MND1: variants seen among roughly 807,000 people sequenced by gnomAD.
MND1 encodes meiotic nuclear divisions 1, also known as meiotic nuclear division protein 1 homolog.
In MND1, 28 loss-of-function variants were observed where a neutral mutation model predicts 35.1. The observed-to-expected ratio is 0.80, with a 90% CI of 0.59 to 1.09. The LOEUF is 1.09. Ranked by LOEUF, MND1 falls within the 50% of genes least tolerant of loss-of-function variation. The probability of loss-of-function intolerance (pLI) is 0.00; values close to 1 mark genes in which losing one functional copy is unlikely to be tolerated. For missense variants in MND1, 213 were observed against 239.6 expected, an observed-to-expected ratio of 0.89 and a Z score of 0.73; for synonymous variants, 69 against 70.5, an observed-to-expected ratio of 0.98 and a Z score of 0.11.
chr4:153,414,806 T>G lies in MND1; in HGVS notation c.567T>G (p.Asn189Lys). Residue 189 changes from asparagine (N) to lysine (K), a missense_variant, in exon 8 of 8, where the codon AAT becomes AAG. Transcript: ENST00000240488. ...WAKRKFGFEE[N>K]KIDRTFGIPE... ...AAAGAAAATTTGGGTTTGAAGAAAA[T>G]AAAATTGATAGAACTTTTGGAATTC... 6.4e-7 allele frequency: 1 copy of G among 1,564,714 alleles called. No homozygotes were observed. The highest frequency in any genetic ancestry group is 8.7e-7 in the Non-Finnish European group (1 of 1,150,076).
At chr4:153,372,589 T>G (rs1304662229) in intron 4 of MND1, among the ~76,000 whole-genome samples, 1 of 151,968 alleles carries the variant, frequency 6.6e-6, no homozygotes. Flanking sequence ...AATTCCCCTT[T>G]GTAAAATCAT....
intron 5 of MND1, 85 bp downstream of exon 5, chr4:153,394,421 C>T: frequency 4.7e-6 from 5 of 1,054,062 alleles, no homozygotes; most frequent in Non-Finnish European, 6.9e-6. Flanking sequence ...GAGGAGGATG[C>T]ATTTCTACCA....
chr4:153,383,899 C>T (rs754777828), intron 4 of MND1, among the ~76,000 whole-genome samples: 1 of 152,160 alleles, frequency 6.6e-6, no homozygotes, highest in Admixed American at 6.5e-5. Flanking sequence ...TATTGGTAGA[C>T]AATTAGTGGC....
chr4:153,379,415 A>G lies in MND1; in HGVS notation c.277-14847A>G, dbSNP rs1017219456. 3.3e-5 allele frequency among the ~76,000 whole-genome samples: 5 copies of G among 151,992 alleles called. No individual in the cohort carries two copies. The South Asian group carries it at 6.2e-4, about 19-fold the overall frequency. Reference sequence around the variant, plus strand: ...AAGTAAGTCTGAACTGGACAGAGCCATTCTAAAAGGCCAGGAACAGTGGCT... The same window carrying G: ...AAGTAAGTCTGAACTGGACAGAGCCGTTCTAAAAGGCCAGGAACAGTGGCT... On this transcript the variant is annotated intron_variant, in intron 4 of 7. Coordinates refer to ENST00000240488, the MANE Select transcript of MND1 (RefSeq NM_032117.4).
At chr4:153,367,114 C>T (rs1009793037) in intron 4 of MND1, among the ~76,000 whole-genome samples, 10 of 152,170 alleles carry the variant, frequency 6.6e-5, no homozygotes, top group Admixed American at 1.3e-4. Context: ...CTCACCTTAT[C>T]TCTCTTTTTT....
intron 2 of MND1, among the ~76,000 whole-genome samples, chr4:153,354,212 A>G (rs1242555217): frequency 2.6e-5 from 4 of 151,884 alleles, no homozygotes; most frequent in Non-Finnish European, 4.4e-5. Flanking sequence ...TTTGCTTTGC[A>G]TGTGGTAGAC....
intron 4 of MND1, among the ~76,000 whole-genome samples, chr4:153,371,833 G>T (rs889607667): frequency 6.6e-6 from 1 of 151,998 alleles, no homozygotes; most frequent in Admixed American, 6.5e-5. Flanking sequence ...CTAGCTTTCC[G>T]CCTGTTTTGG....
chr4:153,353,500 G>A (rs998204753), intron 2 of MND1, among the ~76,000 whole-genome samples: 2 of 142,136 alleles, frequency 1.4e-5, no homozygotes, highest in Non-Finnish European at 3.0e-5. Flanking sequence ...CTTCAAAGGA[G>A]TTCTTTATAT....
At chr4:153,366,972 C>T (rs1773651242) in intron 4 of MND1, among the ~76,000 whole-genome samples, 1 of 152,162 alleles carries the variant, frequency 6.6e-6, no homozygotes. Flanking sequence ...TTCTTAATCA[C>T]CGCTTCTCAA....
At chr4:153,412,296 AT>A (rs1729704217) in intron 7 of MND1, among the ~76,000 whole-genome samples, 1 of 152,206 alleles carries the variant, frequency 6.6e-6, no homozygotes, top group Admixed American at 6.5e-5. Flanking sequence ...AACTCCATGT[AT>A]TAGTTTGCTA....
In MND1 at chr4:153,350,104, G is replaced by T. The variant is rs560093783; in HGVS notation, c.44G>T (p.Arg15Leu). The change falls in exon 2 of 8, where the codon CGC (arginine) becomes CTC (leucine). Residue 15 changes from arginine to leucine, a missense_variant. Transcript: ENST00000240488. Reference sequence around the variant, plus strand: ...CTGAGTGCAGAAGAAAAGAGAACTCGCATGATGGAAATATTTTCTGAAACA... The same window carrying T: ...CTGAGTGCAGAAGAAAAGAGAACTCTCATGATGGAAATATTTTCTGAAACA... ...KGLSAEEKRTRMMEIFSETKD... is the reference protein window; with the variant it reads ...KGLSAEEKRTLMMEIFSETKD... 5 of 1,604,758 alleles carry T rather than the reference G, an allele frequency of 3.1e-6. No homozygotes were observed. The highest frequency in any genetic ancestry group is 3.4e-5 in the Admixed American group (2 of 58,002).
At chr4:153,371,398 A>G (rs934817134) in intron 4 of MND1, among the ~76,000 whole-genome samples, 7 of 152,122 alleles carry the variant, frequency 4.6e-5, no homozygotes, top group African/African-American at 1.7e-4. Context: ...TTTTTCCAAC[A>G]GAAGGCTGTT....
At chr4:153,395,835 G>C (rs1729184296) in intron 5 of MND1, among the ~76,000 whole-genome samples, 1 of 152,052 alleles carries the variant, frequency 6.6e-6, no homozygotes, top group African/African-American at 2.4e-5. Flanking sequence ...TATTCACATT[G>C]GATGTTCACC....
rs762252269 is a variant in MND1 at position 153,344,707 on chromosome 4, C to T, written c.-31C>T. On this transcript the variant is annotated 5_prime_UTR_variant, in exon 1 of 8. Transcript: ENST00000240488. ...TCCCGCCCCTCTCCCCAAGCGCGGGCCCGGCCAGCGGAAGCCCCTGCGCCC... is the reference window on the plus strand; with the variant it reads ...TCCCGCCCCTCTCCCCAAGCGCGGGTCCGGCCAGCGGAAGCCCCTGCGCCC... The T allele has an allele frequency of 4.2e-5, 67 of 1,579,306 alleles. 1 individual carries two copies. In the East Asian group the frequency reaches 1.5e-3, roughly 36 times the overall value.
chr4:153,366,415 CA>C (rs1344028535), intron 4 of MND1, among the ~76,000 whole-genome samples: 1 of 152,150 alleles, frequency 6.6e-6, no homozygotes, highest in Non-Finnish European at 1.5e-5. Context: ...GGGAAGACTG[CA>C]AGAGGAGCAG....
intron 6 of MND1, among the ~76,000 whole-genome samples, chr4:153,401,586 G>T (rs1158013807): frequency 6.7e-6 from 1 of 149,604 alleles, no homozygotes; most frequent in Non-Finnish European, 1.5e-5. Context: ...TTTGATAGGG[G>T]TTTCATGGGA....
chr4:153,368,712 A>G (rs1326557555), intron 4 of MND1, among the ~76,000 whole-genome samples: 1 of 152,228 alleles, frequency 6.6e-6, no homozygotes, highest in African/African-American at 2.4e-5. Flanking sequence ...TGGCATCATG[A>G]GATACTGTAC....
At chr4:153,376,121 A>G (rs985393612) in intron 4 of MND1, among the ~76,000 whole-genome samples, 4 of 152,220 alleles carry the variant, frequency 2.6e-5, no homozygotes, top group African/African-American at 9.6e-5. Context: ...TGTTGTAGAA[A>G]CTTCCAACTG....
chr4:153,361,667 G>A, intron 4 of MND1: 3 of 394,068 alleles, frequency 7.6e-6, no homozygotes, highest in South Asian at 5.5e-5. Context: ...GTGAAACCCT[G>A]TCCACTAAAA....
Sources: allele counts gnomAD v4.1 joint callset (sites outside exome capture counted in the v4.1 genomes callset), GRCh38; gene constraint gnomAD v4.1.1; transcripts MANE v1.5; gene names NCBI Gene and HGNC (gene_info 2026-07-23, HGNC 2026-07-21).